KIAA1328: variants seen among roughly 807,000 people sequenced by gnomAD.
KIAA1328 encodes the protein protein hinderin.
KIAA1328 carries 52 observed loss-of-function variants against 68.1 expected under a neutral mutation model. The ratio of observed to expected loss-of-function variants is 0.76; its 90% confidence interval spans 0.61 to 0.96. The LOEUF is 0.96. KIAA1328 is among the 40% of genes least tolerant of loss of function. KIAA1328 has a pLI of 0.00. For missense variants in KIAA1328, 641 were observed against 677.6 expected (o/e 0.95, Z 0.60); for synonymous variants, 232 against 239.4 (o/e 0.97, Z 0.28).
At chr18:36,999,535 A>C (rs550118378) in intron 6 of KIAA1328, among the ~76,000 whole-genome samples, 2 of 152,226 alleles carry the variant, frequency 1.3e-5, no homozygotes, top group Non-Finnish European at 2.9e-5. Context: ...TCATTTGCTC[A>C]CCTACAAAGG....
intron 6 of KIAA1328, among the ~76,000 whole-genome samples, chr18:37,030,643 T>A (rs979065034): frequency 1.3e-5 from 2 of 152,212 alleles, no homozygotes; most frequent in Non-Finnish European, 2.9e-5. Flanking sequence ...TTGGATATAG[T>A]ATTCTGTTTA....
intron 7 of KIAA1328, among the ~76,000 whole-genome samples, chr18:37,077,715 A>ACTC (rs1418324615): frequency 7.6e-6 from 1 of 132,398 alleles, no homozygotes. Flanking sequence ...TCATGAGTGA[A>ACTC]CTCCCATTCA....
intron 4 of KIAA1328, among the ~76,000 whole-genome samples, chr18:36,861,630 G>A (rs987075112): frequency 6.6e-6 from 1 of 151,892 alleles, no homozygotes; most frequent in African/African-American, 2.4e-5. Flanking sequence ...TATTTATTTT[G>A]TTATTTATTT....
intron 7 of KIAA1328, among the ~76,000 whole-genome samples, chr18:37,117,351 A>G (rs1364365338): frequency 2.0e-5 from 3 of 152,224 alleles, no homozygotes; most frequent in Non-Finnish European, 4.4e-5. Context: ...TGGGACATGG[A>G]TGAAGCTAGA....
At chr18:36,831,354 A>T (rs868302491) in intron 1 of KIAA1328, among the ~76,000 whole-genome samples, 4 of 151,956 alleles carry the variant, frequency 2.6e-5, no homozygotes, top group South Asian at 2.1e-4. Flanking sequence ...GCACAGTATG[A>T]TTCAGCAGTG....
intron 6 of KIAA1328, among the ~76,000 whole-genome samples, chr18:37,013,099 G>A (rs545690422): frequency 9.2e-5 from 14 of 152,182 alleles, no homozygotes. Flanking sequence ...CCATTTTGGT[G>A]TTAGTTAATA....
At chr18:37,176,808 G>A (rs1437728360) in intron 9 of KIAA1328, among the ~76,000 whole-genome samples, 4 of 152,210 alleles carry the variant, frequency 2.6e-5, no homozygotes, top group African/African-American at 9.7e-5. Context: ...CCAGAGCTGG[G>A]CAAGTTACCA....
intron 6 of KIAA1328, among the ~76,000 whole-genome samples, chr18:36,985,489 G>A (rs2052881616): frequency 6.6e-6 from 1 of 152,130 alleles, no homozygotes; most frequent in African/African-American, 2.4e-5. Context: ...AATATGGGAT[G>A]GGTGTAAAGA....
intron 7 of KIAA1328, among the ~76,000 whole-genome samples, chr18:37,133,802 G>A (rs2058581175): frequency 6.6e-6 from 1 of 151,964 alleles, no homozygotes; most frequent in Non-Finnish European, 1.5e-5. Flanking sequence ...GTGATTATAG[G>A]TGTGAGCCAT....
In KIAA1328 at chr18:37,193,433, A is replaced by G. The variant is rs569346454; in HGVS notation, c.1523+20352A>G. On this transcript the variant is annotated intron_variant, in intron 9 of 9. Transcript: ENST00000280020. Reference sequence around the variant, plus strand: ...TCAGTTTGGGTCAGATTTTGTTACCATGTAAATTAGAGTTAGGTCAAATGT... The same window carrying G: ...TCAGTTTGGGTCAGATTTTGTTACCGTGTAAATTAGAGTTAGGTCAAATGT... Among the ~76,000 whole-genome samples the G allele has an allele frequency of 2.6e-5, 4 of 152,350 alleles. No individual in the cohort carries two copies. In the East Asian group the frequency reaches 5.8e-4, roughly 22 times the overall value.
In KIAA1328 at chr18:37,118,008, C is replaced by CTTTT. The variant is rs112710292; in HGVS notation, c.1233-42182_1233-42179dup. Reference sequence around the variant, plus strand: ...ACTGGTATGTATAATTGCTTTCTTTCTTTTTTTTTTTTTGAGACACATTCT... The same window carrying CTTTT: ...ACTGGTATGTATAATTGCTTTCTTTCTTTTTTTTTTTTTTTTTGAGACACATTCT... On this transcript the variant is annotated intron_variant, in intron 7 of 9. Coordinates refer to ENST00000280020, the MANE Select transcript of KIAA1328 (RefSeq NM_020776.3). Among the ~76,000 whole-genome samples the CTTTT allele has an allele frequency of 2.0e-3, 283 of 141,692 alleles. 3 individuals carry two copies. The highest frequency in any genetic ancestry group is 5.7e-3 in the African/African-American group (214 of 37,670). The allele number at this position is 141,692 out of a possible 152,430, so 93.0% of individuals were successfully genotyped here.
chr18:37,194,709 G>A (rs1221483200), intron 9 of KIAA1328, among the ~76,000 whole-genome samples: 1 of 152,126 alleles, frequency 6.6e-6, no homozygotes, highest in Non-Finnish European at 1.5e-5. Flanking sequence ...CGCCCAGGCT[G>A]GAGTGCAGTG....
At chr18:37,098,710 T>G (rs1016314265) in intron 7 of KIAA1328, among the ~76,000 whole-genome samples, 1 of 152,224 alleles carries the variant, frequency 6.6e-6, no homozygotes, top group East Asian at 1.9e-4. Flanking sequence ...GTCCTGGACT[T>G]TTTTTGGTTG....
At chr18:36,973,288 C>T (rs2052309188) in intron 6 of KIAA1328, among the ~76,000 whole-genome samples, 1 of 151,178 alleles carries the variant, frequency 6.6e-6, no homozygotes. Context: ...AACACATGGA[C>T]ACAGGGTAGG....
At chr18:37,043,467 C>T (rs976338775) in intron 6 of KIAA1328, among the ~76,000 whole-genome samples, 3 of 152,070 alleles carry the variant, frequency 2.0e-5, no homozygotes, top group African/African-American at 7.2e-5. Context: ...GGTTTGTCTC[C>T]CCTGCAACAT....
At chr18:36,965,926 A>C (rs80042876) in intron 6 of KIAA1328, among the ~76,000 whole-genome samples, 9,345 of 151,682 alleles carry the variant, frequency 0.062, 389 homozygotes, top group Non-Finnish European at 0.096. Context: ...AAAAAAAAAA[A>C]CCAAAAAACT....
At chr18:37,128,338 G>GT (rs1568442372) in intron 7 of KIAA1328, among the ~76,000 whole-genome samples, 4 of 152,180 alleles carry the variant, frequency 2.6e-5, no homozygotes, top group African/African-American at 9.6e-5. Flanking sequence ...GCTGGGTGTG[G>GT]TGGTGCACAC....
intron 6 of KIAA1328, among the ~76,000 whole-genome samples, chr18:36,988,006 A>G (rs1339704805): frequency 6.6e-6 from 1 of 152,204 alleles, no homozygotes; most frequent in African/African-American, 2.4e-5. Flanking sequence ...ATTTGTAAGC[A>G]GTTAGTATAG....
intron 3 of KIAA1328, among the ~76,000 whole-genome samples, chr18:36,841,836 A>G (rs1016080558): frequency 1.3e-5 from 2 of 152,178 alleles, no homozygotes; most frequent in African/African-American, 2.4e-5. Context: ...AGTATTTCAT[A>G]TATATTTGGA....
Sources: allele counts gnomAD v4.1 joint callset (sites outside exome capture counted in the v4.1 genomes callset), GRCh38; gene constraint gnomAD v4.1.1; transcripts MANE v1.5; gene names NCBI Gene and HGNC (gene_info 2026-07-23, HGNC 2026-07-21).